The following IL1RAPL2 variants were observed in gnomAD, a reference collection of about 807,000 sequenced individuals.
IL1RAPL2 encodes the protein X-linked interleukin-1 receptor accessory protein-like 2.
A neutral mutation model predicts 44.1 loss-of-function variants in IL1RAPL2; 3 were observed. That is an observed-to-expected ratio of 0.07 (90% CI 0.03 to 0.18). IL1RAPL2 has a LOEUF of 0.18. IL1RAPL2 is among the 10% of genes least tolerant of loss of function. The probability of loss-of-function intolerance (pLI) is 1.00; values close to 1 mark genes in which losing one functional copy is unlikely to be tolerated. For synonymous variants in IL1RAPL2, 181 were observed against 178.8 expected (o/e 1.01, Z -0.10); for missense variants, 391 against 496.4 (o/e 0.79, Z 2.02).
intron 2 of IL1RAPL2, among the ~76,000 whole-genome samples, chrX:104,825,139 C>T (rs143592485): frequency 2.7e-5 from 3 of 111,304 alleles, no homozygotes; most frequent in East Asian, 2.8e-4. Context: ...TTGAGGTGTG[C>T]CTTATACCAG....
At chrX:104,666,267 C>T (rs778948947) in intron 2 of IL1RAPL2, among the ~76,000 whole-genome samples, 8 of 111,946 alleles carry the variant, frequency 7.1e-5, no homozygotes, top group Non-Finnish European at 9.4e-5. Context: ...GGTTGTTCTA[C>T]AACATCAACA....
chrX:104,949,290 G>C (rs1195630203), intron 2 of IL1RAPL2, among the ~76,000 whole-genome samples: 1 of 110,703 alleles, frequency 9.0e-6, no homozygotes, highest in African/African-American at 3.3e-5. Flanking sequence ...TTTATTGCAT[G>C]TCTTTGATTC....
intron 6 of IL1RAPL2, among the ~76,000 whole-genome samples, chrX:105,539,537 A>G (rs941275244): frequency 8.9e-6 from 1 of 111,980 alleles, no homozygotes; most frequent in East Asian, 2.8e-4. Context: ...GATGGATTAA[A>G]GATTTAAATT....
chrX:104,709,988 C>G (rs1349794037), intron 2 of IL1RAPL2, among the ~76,000 whole-genome samples: 1 of 110,812 alleles, frequency 9.0e-6, no homozygotes, highest in Non-Finnish European at 1.9e-5. Flanking sequence ...AAAAAAGAAA[C>G]AAACAGCAAA....
At chrX:104,626,313 CGT>C (rs1157786260) in intron 1 of IL1RAPL2, among the ~76,000 whole-genome samples, 3 of 104,918 alleles carry the variant, frequency 2.9e-5, no homozygotes, top group Non-Finnish European at 3.9e-5. Context: ...TGTGTGTGTG[CGT>C]GTGTGTGTGT....
intron 6 of IL1RAPL2, among the ~76,000 whole-genome samples, chrX:105,715,827 C>T (rs2038252381): frequency 9.0e-6 from 1 of 111,480 alleles, no homozygotes; most frequent in Non-Finnish European, 1.9e-5. Flanking sequence ...CACTCCAGGG[C>T]CATAGCTATG....
chrX:105,505,699 A>G (rs2036426532), intron 6 of IL1RAPL2, among the ~76,000 whole-genome samples: 1 of 111,635 alleles, frequency 9.0e-6, no homozygotes, highest in Non-Finnish European at 1.9e-5. Context: ...TTATCATGCC[A>G]AACATCACAG....
intron 5 of IL1RAPL2, among the ~76,000 whole-genome samples, chrX:105,337,863 A>C (rs971114743): frequency 2.4e-4 from 26 of 106,222 alleles, no homozygotes; most frequent in Non-Finnish European, 3.8e-4. Context: ...TGCACTCCAG[A>C]CTGGGAGAGA....
intron 1 of IL1RAPL2, among the ~76,000 whole-genome samples, chrX:104,642,385 A>G (rs1929951313): frequency 8.9e-6 from 1 of 112,593 alleles, no homozygotes; most frequent in African/African-American, 3.2e-5. Context: ...TAATTTATTT[A>G]ACAATCTATT....
chrX:105,752,854 G>A (rs368603596), intron 9 of IL1RAPL2: 19 of 302,019 alleles, frequency 6.3e-5, no homozygotes, highest in African/African-American at 3.8e-4. Context: ...TGACATGGTG[G>A]CTTTGAGAGC....
chrX:105,044,415 A>T (rs2031808774), intron 2 of IL1RAPL2, among the ~76,000 whole-genome samples: 1 of 110,327 alleles, frequency 9.1e-6, no homozygotes, highest in African/African-American at 3.3e-5. Context: ...ATAACTCATT[A>T]AAAAAAAGAC....
intron 5 of IL1RAPL2, among the ~76,000 whole-genome samples, chrX:105,447,106 TAAAAATATATATAA>T (rs2035963840): frequency 9.0e-5 from 3 of 33,199 alleles, no homozygotes; most frequent in African/African-American, 1.6e-4. Flanking sequence ...TATATATATA[TAAAAATATATATAA>T]ATATAAATAT....
chrX:104,728,132 A>G (rs777980894), intron 2 of IL1RAPL2, among the ~76,000 whole-genome samples: 2 of 111,565 alleles, frequency 1.8e-5, no homozygotes, highest in East Asian at 2.8e-4. Context: ...AATGAGACCA[A>G]AAGAGAAAGG....
intron 5 of IL1RAPL2, among the ~76,000 whole-genome samples, chrX:105,395,475 G>A (rs1399562631): frequency 3.6e-5 from 4 of 110,646 alleles, no homozygotes; most frequent in Non-Finnish European, 7.6e-5. Flanking sequence ...TATTTCGTAA[G>A]AAAGAAAGGT....
chrX:105,245,534 T>G (rs1422270655), intron 4 of IL1RAPL2, among the ~76,000 whole-genome samples: 1 of 112,547 alleles, frequency 8.9e-6, no homozygotes, highest in African/African-American at 3.2e-5. Flanking sequence ...GGCTACACTT[T>G]TAGAAGGTTC....
At chrX:105,263,804 C>T (rs2034379508) in intron 4 of IL1RAPL2, among the ~76,000 whole-genome samples, 1 of 111,332 alleles carries the variant, frequency 9.0e-6, no homozygotes, top group Admixed American at 9.5e-5. Flanking sequence ...ACTTAAGCAA[C>T]TCTAGCAAGA....
intron 2 of IL1RAPL2, among the ~76,000 whole-genome samples, chrX:104,846,017 A>G (rs1313367968): frequency 5.4e-5 from 6 of 111,393 alleles, no homozygotes; most frequent in Non-Finnish European, 1.1e-4. Flanking sequence ...AGAGTCCATT[A>G]TTAAGTTCAA....
At chrX:105,738,154 C>T (rs187640419) in intron 7 of IL1RAPL2, among the ~76,000 whole-genome samples, 1 of 111,712 alleles carries the variant, frequency 9.0e-6, no homozygotes, top group Non-Finnish European at 1.9e-5. Context: ...AATGTAAATA[C>T]AAATATTTTT....
chrX:105,384,591 G>A (rs746540592), intron 5 of IL1RAPL2, among the ~76,000 whole-genome samples: 65 of 110,792 alleles, frequency 5.9e-4, no homozygotes, highest in Admixed American at 4.9e-3. Context: ...TGACTATTCT[G>A]GGTCTTTTGT....
Sources: allele counts gnomAD v4.1 joint callset (sites outside exome capture counted in the v4.1 genomes callset), GRCh38; gene constraint gnomAD v4.1.1; transcripts MANE v1.5; gene names NCBI Gene and HGNC (gene_info 2026-07-23, HGNC 2026-07-21).